Variants in KIAA1549 observed in about 807,000 individuals in gnomAD.
The protein encoded by KIAA1549 is UPF0606 protein KIAA1549.
KIAA1549 carries 70 observed loss-of-function variants against 156.4 expected under a neutral mutation model. That is an observed-to-expected ratio of 0.45 (90% CI 0.37 to 0.55). The LOEUF (loss-of-function observed/expected upper bound fraction) is 0.55. Among genes scored for constraint, KIAA1549 ranks in the 20% least tolerant of loss-of-function variants. The pLI is 0.00. For synonymous variants in KIAA1549, 1,103 were observed against 1,066.4 expected, an observed-to-expected ratio of 1.03 and a Z score of -0.67; for missense variants, 2,428 against 2,540.9, an observed-to-expected ratio of 0.96 and a Z score of 0.96.
At chr7:138,929,167 T>C (rs1584764152) in intron 1 of KIAA1549, among the ~76,000 whole-genome samples, 1 of 152,228 alleles carries the variant, frequency 6.6e-6, no homozygotes, top group South Asian at 2.1e-4. Flanking sequence ...TTTGATAGCA[T>C]TTGGCCCACA....
intron 2 of KIAA1549, among the ~76,000 whole-genome samples, chr7:138,915,150 C>G (rs981748414): frequency 2.0e-5 from 3 of 152,198 alleles, no homozygotes; most frequent in Admixed American, 2.0e-4. Flanking sequence ...TCTCCTCCCC[C>G]AGAAGACACT....
chr7:138,927,602 C>T (rs1469430327), intron 1 of KIAA1549, among the ~76,000 whole-genome samples: 2 of 152,252 alleles, frequency 1.3e-5, no homozygotes, highest in Non-Finnish European at 2.9e-5. Flanking sequence ...TGTGCCACTG[C>T]ACTCCAGCCT....
chr7:138,972,322 C>A (rs1435241965), intron 1 of KIAA1549, among the ~76,000 whole-genome samples: 1 of 152,008 alleles, frequency 6.6e-6, no homozygotes, highest in Admixed American at 6.6e-5. Context: ...CTAGAGATGA[C>A]CCACTTCTGA....
At chr7:138,892,548 GAAC>G (rs1482205956) in intron 10 of KIAA1549, among the ~76,000 whole-genome samples, 2 of 151,998 alleles carry the variant, frequency 1.3e-5, no homozygotes, top group South Asian at 2.1e-4. Flanking sequence ...AGTATAACAA[GAAC>G]AACAAAAGAA....
chr7:138,885,231 T>C (rs6972391), intron 10 of KIAA1549, among the ~76,000 whole-genome samples: 63,965 of 151,838 alleles, frequency 0.42, 14,033 homozygotes, highest in African/African-American at 0.53. Context: ...AAAACTCTGT[T>C]TCAAAAAATA....
chr7:138,922,072 T>A lies in KIAA1549; in HGVS notation c.188-2634A>T, dbSNP rs1812579833. Among the ~76,000 whole-genome samples the A allele has an allele frequency of 2.6e-5, 4 of 152,308 alleles. No individual in the cohort carries two copies. The South Asian group carries it at 8.3e-4, about 32-fold the overall frequency. On this transcript the variant is annotated intron_variant, in intron 1 of 19. Transcript: ENST00000422774. ...TTCAGAAGGAAGCCACCCTTGAACT[T>A]GGACTTCTAGCCTCCAGAACGGTGA...
chr7:138,844,420 AGGGTCAGGGGG>A lies in KIAA1549; in HGVS notation c.5338_5348del (p.Pro1780SerfsTer235), dbSNP rs750357704. 2.3e-5 allele frequency: 37 copies of A among 1,596,700 alleles called. No individual in the cohort carries two copies. Among genetic ancestry groups the A allele is most frequent in the Non-Finnish European group, 3.2e-5 (37 of 1,171,646 alleles). Reference sequence around the variant, plus strand: ...CTTCGGCGGAGGCCTGTGGCTGCTGAGGGTCAGGGGGCACCAGCTCTGTAGACTGCAGCAAA... The same window carrying A: ...CTTCGGCGGAGGCCTGTGGCTGCTGACACCAGCTCTGTAGACTGCAGCAAA... On this transcript the variant is annotated frameshift_variant, in exon 18 of 20. Transcript: ENST00000422774. LOFTEE classifies it high-confidence loss of function.
At chr7:138,958,184 G>A (rs114625391) in intron 1 of KIAA1549, among the ~76,000 whole-genome samples, 14 of 152,270 alleles carry the variant, frequency 9.2e-5, no homozygotes, top group African/African-American at 3.1e-4. Context: ...ACCCACATGC[G>A]CGGGCCACAA....
chr7:138,980,990 G>A (rs183135972), intron 1 of KIAA1549, 93 bp downstream of exon 1: 460 of 1,105,352 alleles, frequency 4.2e-4, no homozygotes, highest in Non-Finnish European at 4.9e-4. Flanking sequence ...GAGAATAAAA[G>A]AGGATGGGCG....
chr7:138,839,915 G>A (rs1179407410), intron 19 of KIAA1549, among the ~76,000 whole-genome samples: 1 of 145,450 alleles, frequency 6.9e-6, no homozygotes, highest in Non-Finnish European at 1.5e-5. Flanking sequence ...AGCCTCCCAA[G>A]TAGCTGGGAC....
rs1377188305 is a variant in KIAA1549, at chr7:138,981,169, G to A, written c.101C>T (p.Ala34Val). Reference sequence around the variant, plus strand: ...CGGGCGGCGGCGGCGGGCGCAGCGGGCGGAAGGCCGTCGGCCGCTCGGCCC... The same window carrying A: ...CGGGCGGCGGCGGCGGGCGCAGCGGACGGAAGGCCGTCGGCCGCTCGGCCC... ...APGPSGRRPS[A>V]RCARRRRPGL... Residue 34 changes from alanine to valine, a missense_variant, in exon 1 of 20, where the codon GCC (alanine) becomes GTC (valine). Physicochemically the swap from Ala to Val is moderately conservative, Grantham distance 64. Coordinates refer to ENST00000422774, the MANE Select transcript of KIAA1549 (RefSeq NM_001164665.2). This position sits in a 1 kb window ranked among gnomAD's most constrained non-coding sequence, Gnocchi z 4.5. 5 of 1,167,004 alleles carry A rather than the reference G, an allele frequency of 4.3e-6. No individual in the cohort carries two copies. Among genetic ancestry groups the A allele is most frequent in the South Asian group, 4.2e-5 (1 of 23,756 alleles). 72.3% of individuals were successfully genotyped at this position (1,167,004 alleles called of 1,614,324 possible).
At chr7:138,838,220 G>A (rs1809804962) in intron 19 of KIAA1549, 60 bp from the exon 20 acceptor site, 1 of 1,437,326 alleles carries the variant, frequency 7.0e-7, no homozygotes, top group Non-Finnish European at 9.1e-7. Context: ...AACATCAAAT[G>A]CAAACTGGCT....
chr7:138,974,496 G>A (rs1385996849), intron 1 of KIAA1549, among the ~76,000 whole-genome samples: 9 of 152,062 alleles, frequency 5.9e-5, no homozygotes, highest in East Asian at 1.9e-4. Context: ...GCAGTGGCGC[G>A]ATCTCAGCTC....
intron 13 of KIAA1549, among the ~76,000 whole-genome samples, chr7:138,870,071 G>T (rs776684180): frequency 6.6e-6 from 1 of 151,866 alleles, no homozygotes; most frequent in Non-Finnish European, 1.5e-5. Context: ...GGCTGGTCTC[G>T]AACTCCTGAC....
rs575419720 is a variant in KIAA1549, at chr7:138,898,305, C to CA, written c.3847+649dup. 4.4e-3 allele frequency among the ~76,000 whole-genome samples: 208 copies of CA among 47,080 alleles called. 3 individuals carry two copies. The highest frequency in any genetic ancestry group is 0.018 in the Middle Eastern group (2 of 112). 30.9% of individuals were successfully genotyped at this position (47,080 alleles called of 152,430 possible). A position where few individuals can be genotyped will look rare whatever the true frequency, so the allele number is the denominator to read the frequency against. On this transcript the variant is annotated intron_variant, in intron 9 of 19. Transcript: ENST00000422774. ...CTGGTGACAGAGTGAGACTCCATCT[C>CA]AAAAAAAAAAAAAAAAAAGCAAACA...
intron 1 of KIAA1549, among the ~76,000 whole-genome samples, chr7:138,937,630 G>C (rs1399775385): frequency 6.6e-6 from 1 of 152,172 alleles, no homozygotes; most frequent in East Asian, 1.9e-4. Flanking sequence ...AGACAGGAAG[G>C]CTGCTCCAGG....
chr7:138,872,361 A>G (rs1178205937), intron 12 of KIAA1549, among the ~76,000 whole-genome samples: 2 of 102,848 alleles, frequency 1.9e-5, no homozygotes, highest in African/African-American at 4.8e-5. Flanking sequence ...CAGAACTGTG[A>G]AAAAAAAAAA....
intron 10 of KIAA1549, among the ~76,000 whole-genome samples, chr7:138,881,891 G>A (rs1388883421): frequency 6.6e-6 from 1 of 152,212 alleles, no homozygotes. Flanking sequence ...ATAGGGTAAT[G>A]GGGACCAAAG....
At chr7:138,934,819 G>A (rs1812963533) in intron 1 of KIAA1549, among the ~76,000 whole-genome samples, 1 of 152,284 alleles carries the variant, frequency 6.6e-6, no homozygotes, top group South Asian at 2.1e-4. Flanking sequence ...AGAGAAAGGG[G>A]AGCCCCCAAA....
Sources: allele counts gnomAD v4.1 joint callset (sites outside exome capture counted in the v4.1 genomes callset), GRCh38; gene constraint gnomAD v4.1.1; non-coding constraint Gnocchi (gnomAD v3.1); transcripts MANE v1.5; gene names NCBI Gene and HGNC (gene_info 2026-07-23, HGNC 2026-07-21).